Variants in IGFBP4 observed in about 807,000 individuals in gnomAD.
The protein encoded by IGFBP4 is insulin-like growth factor-binding protein 4.
A neutral mutation model predicts 25.8 loss-of-function variants in IGFBP4; 9 were observed. The ratio of observed to expected loss-of-function variants is 0.35; its 90% CI spans 0.21 to 0.61. The LOEUF (loss-of-function observed/expected upper bound fraction) is 0.61, where lower values mean the gene tolerates loss of function less well. Among genes scored for constraint, IGFBP4 ranks in the 20% least tolerant of loss-of-function variants. The probability of loss-of-function intolerance (pLI) is 0.77; values close to 1 mark genes in which losing one functional copy is unlikely to be tolerated. For missense variants in IGFBP4, 315 were observed against 365.3 expected, an observed-to-expected ratio of 0.86 and a Z score of 1.12; for synonymous variants, 153 against 153.9, an observed-to-expected ratio of 0.99 and a Z score of 0.05.
At chr17:40,445,249 TTCTCTGTG>T (rs1480641156) in intron 1 of IGFBP4, among the ~76,000 whole-genome samples, 2 of 152,166 alleles carry the variant, frequency 1.3e-5, no homozygotes, top group African/African-American at 2.4e-5. Context: ...CTGTTGCTGT[TTCTCTGTG>T]TCTCTGTCAC....
intron 1 of IGFBP4, among the ~76,000 whole-genome samples, chr17:40,452,153 T>C (rs1488212350): frequency 2.0e-5 from 3 of 152,220 alleles, no homozygotes; most frequent in Non-Finnish European, 2.9e-5. Flanking sequence ...GGAGTTTTTC[T>C]TGAGCTCAGA....
At chr17:40,447,982 T>C (rs887169831) in intron 1 of IGFBP4, among the ~76,000 whole-genome samples, 13 of 152,280 alleles carry the variant, frequency 8.5e-5, no homozygotes, top group Admixed American at 7.2e-4. Context: ...GCCTTATCTG[T>C]TTTTTATTCT....
Position 40,443,952 on chromosome 17 carries a change from C to A in IGFBP4, c.217C>A (p.Arg73Ser). ...GATGCCCTGCGGGGTGTACACCCCC[C>A]GTTGCGGCTCGGGCCTGCGCTGCTA... ...LGMPCGVYTPRCGSGLRCYPP... is the reference protein window; with the variant it reads ...LGMPCGVYTPSCGSGLRCYPP... The change falls in exon 1 of 4, where the codon CGT becomes AGT. Residue 73 changes from arginine to serine, a missense_variant. Physicochemically the swap from Arg to Ser is moderately radical, Grantham distance 110. Transcript: ENST00000269593. 4 of 1,531,342 alleles carry A rather than the reference C, an allele frequency of 2.6e-6. No homozygotes were observed. Among genetic ancestry groups the A allele is most frequent in the African/African-American group, 1.4e-5 (1 of 72,616 alleles). The allele number at this position is 1,531,342 out of a possible 1,614,324, so 94.9% of individuals were successfully genotyped here.
intron 1 of IGFBP4, among the ~76,000 whole-genome samples, 182 bp from the exon 2 acceptor site, chr17:40,452,803 C>T (rs2035691687): frequency 1.3e-5 from 2 of 152,062 alleles, no homozygotes; most frequent in Non-Finnish European, 2.9e-5. Flanking sequence ...CCTGAGAGAT[C>T]CAGGGGAGAG....
In IGFBP4 at chr17:40,456,741, G is replaced by T. The variant is rs190886856; in HGVS notation, c.*158G>T. On this transcript the variant is annotated 3_prime_UTR_variant, in exon 4 of 4. Transcript: ENST00000269593. ...CGTGTGCACGTGTGCGTGTGCGTGC[G>T]TGTGTGTGTGTTTGTGAGCATGGGT... 5.8e-5 allele frequency: 37 copies of T among 636,680 alleles called. No individual in the cohort carries two copies. The highest frequency in any genetic ancestry group is 8.7e-4 in the Middle Eastern group (2 of 2,288). 39.4% of individuals were successfully genotyped at this position (636,680 alleles called of 1,614,324 possible). A position where few individuals can be genotyped will look rare whatever the true frequency, so the allele number is the denominator to read the frequency against.
chr17:40,449,107 A>G (rs962760335), intron 1 of IGFBP4, among the ~76,000 whole-genome samples: 6 of 152,108 alleles, frequency 3.9e-5, no homozygotes, highest in African/African-American at 1.4e-4. Context: ...GGAACCTAAC[A>G]AGGGAGAAGC....
At position 40,443,777 on chromosome 17, in the gene IGFBP4, C is replaced by G; in HGVS notation, c.42C>G (p.Ala14=). ...TCGTGGCCGCCCTGCTGCTGGCCGC[C>G]GGGCCCGGGCCGAGCCTGGGCGACG... ...LCLVAALLLA[A]GPGPSLGDEA... is the part of the protein sequence containing the mutation. The change falls in exon 1 of 4, where the codon GCC becomes GCG. Residue 14 remains alanine (A), a synonymous_variant. Transcript: ENST00000269593. The G allele has an allele frequency of 6.6e-7, 1 of 1,507,134 alleles. No homozygotes were observed. Among genetic ancestry groups the G allele is most frequent in the Admixed American group, 2.1e-5 (1 of 48,080 alleles). 93.4% of individuals were successfully genotyped at this position (1,507,134 alleles called of 1,614,324 possible).
rs3055243 is a variant in IGFBP4 at position 40,453,179 on chromosome 17, G to GACAC, written c.507+49_507+52dup. ...CGATGCACAAATGTGCATGTGCATA[G>GACAC]ACACACACACACACATGCCCCCTGC... On this transcript the variant is annotated intron_variant, in intron 2 of 3. Transcript: ENST00000269593. The surrounding 1 kb of genome is among the most constrained non-coding windows in gnomAD (Gnocchi z 4.0). The GACAC allele has an allele frequency of 1.2e-3, 1,123 of 922,570 alleles. 1 individual carries two copies. The highest frequency in any genetic ancestry group is 4.3e-3 in the Middle Eastern group (15 of 3,460). 57.1% of individuals were successfully genotyped at this position (922,570 alleles called of 1,614,324 possible).
intron 1 of IGFBP4, among the ~76,000 whole-genome samples, chr17:40,448,076 G>T (rs1473747477): frequency 6.6e-6 from 1 of 152,186 alleles, no homozygotes; most frequent in Non-Finnish European, 1.5e-5. Flanking sequence ...CAGCACCAGC[G>T]GTCTTGGCTT....
At chr17:40,449,066 A>G (rs1277657788) in intron 1 of IGFBP4, among the ~76,000 whole-genome samples, 6 of 152,176 alleles carry the variant, frequency 3.9e-5, no homozygotes, top group Non-Finnish European at 8.8e-5. Flanking sequence ...CCGTGTAGAC[A>G]TGAACTGGGG....
At chr17:40,445,503 G>A (rs1291375266) in intron 1 of IGFBP4, among the ~76,000 whole-genome samples, 3 of 152,242 alleles carry the variant, frequency 2.0e-5, no homozygotes, top group Admixed American at 2.0e-4. Context: ...CAGCTTGTCA[G>A]CCGAGGAGAG....
chr17:40,456,317 C>T (rs2035713638), intron 3 of IGFBP4, 132 bp from the exon 4 acceptor site: 7 of 829,560 alleles, frequency 8.4e-6, no homozygotes, highest in East Asian at 5.1e-5. Flanking sequence ...AAAAAAGAGT[C>T]ACCACCCTCA....
Position 40,453,676 on chromosome 17 carries a change from C to T in IGFBP4, c.508-252C>T, listed in dbSNP as rs766428628. ...TGCATAGGTTCCCACAGCCCCTTTC[C>T]CCACAGTGTCCCCTCACTTCCCACC... On this transcript the variant is annotated intron_variant, in intron 2 of 3. Coordinates refer to ENST00000269593, the MANE Select transcript of IGFBP4 (RefSeq NM_001552.3). The surrounding 1 kb of genome is among the most constrained non-coding windows in gnomAD (Gnocchi z 4.0). Among the ~76,000 whole-genome samples, 4 of 152,118 alleles carry T rather than the reference C, an allele frequency of 2.6e-5. No homozygotes were observed. Among genetic ancestry groups the T allele is most frequent in the Non-Finnish European group, 4.4e-5 (3 of 68,010 alleles).
chr17:40,454,407 T>A (rs778560245), intron 3 of IGFBP4, among the ~76,000 whole-genome samples: 2 of 152,110 alleles, frequency 1.3e-5, no homozygotes, highest in African/African-American at 4.8e-5. Flanking sequence ...CTCCCAACAC[T>A]CTCTCATTCA....
Position 40,456,769 on chromosome 17 carries a change from G to T in IGFBP4, c.*186G>T. 1.7e-6 allele frequency: 1 copy of T among 603,270 alleles called. No homozygotes were observed. Among genetic ancestry groups the T allele is most frequent in the East Asian group, 3.0e-5 (1 of 33,126 alleles). 37.4% of individuals were successfully genotyped at this position (603,270 alleles called of 1,614,324 possible). ...TGTGTGTGTTTGTGAGCATGGGTGT[G>T]CCCTTGGGGTAAGCCAGAGCCTGGG... On this transcript the variant is annotated 3_prime_UTR_variant, in exon 4 of 4. Transcript: ENST00000269593.
Position 40,453,808 on chromosome 17 carries a change from C to G in IGFBP4, c.508-120C>G. On this transcript the variant is annotated intron_variant, in intron 2 of 3. Transcript: ENST00000269593. This position sits in a 1 kb window ranked among gnomAD's most constrained non-coding sequence, Gnocchi z 4.0. ...CTCTCTTCACCTCACTGGGTCCTGCCCAGCCCCTGGGGCTCAGGCCTCCTT... is the reference window on the plus strand; with the variant it reads ...CTCTCTTCACCTCACTGGGTCCTGCGCAGCCCCTGGGGCTCAGGCCTCCTT... 1.2e-5 allele frequency: 8 copies of G among 683,110 alleles called. No individual in the cohort carries two copies. In the South Asian group the frequency reaches 1.4e-4, roughly 12 times the overall value. The allele number at this position is 683,110 out of a possible 1,614,324, so 42.3% of individuals were successfully genotyped here.
chr17:40,444,967 A>AG (rs2035636203), intron 1 of IGFBP4, among the ~76,000 whole-genome samples: 2 of 142,412 alleles, frequency 1.4e-5, no homozygotes, highest in Non-Finnish European at 3.1e-5. Flanking sequence ...AGAGAGAGAG[A>AG]GAGAGAGAGA....
chr17:40,452,940 G>A (rs945816188), intron 1 of IGFBP4, 45 bp from the exon 2 acceptor site: 1 of 1,417,910 alleles, frequency 7.1e-7, no homozygotes, highest in African/African-American at 1.5e-5. Flanking sequence ...GTGACGCTCT[G>A]ACCTCTTCCG....
At chr17:40,444,924 CACAGAGACAGAGAGAGAGAGAGAGAG>C (rs1453601789) in intron 1 of IGFBP4, among the ~76,000 whole-genome samples, 23 of 96,162 alleles carry the variant, frequency 2.4e-4, no homozygotes, top group East Asian at 1.1e-3. Flanking sequence ...CACACACACA[CACAGAGACAGAGAGAGAGAGAGAGAG>C]AGAGAGAGAG....
Sources: allele counts gnomAD v4.1 joint callset (sites outside exome capture counted in the v4.1 genomes callset), GRCh38; gene constraint gnomAD v4.1.1; non-coding constraint Gnocchi (gnomAD v3.1); transcripts MANE v1.5; gene names NCBI Gene and HGNC (gene_info 2026-07-23, HGNC 2026-07-21).